Variants in TUBGCP3 observed in about 807,000 individuals in gnomAD.
TUBGCP3 encodes the protein gamma-tubulin complex component 3.
Under a neutral mutation model 123.1 loss-of-function variants are expected in TUBGCP3, and 50 were observed. The ratio of observed to expected loss-of-function variants is 0.41; its 90% CI spans 0.32 to 0.51. The LOEUF (loss-of-function observed/expected upper bound fraction) is 0.51, where lower values mean the gene tolerates loss of function less well. Ranked by LOEUF, TUBGCP3 falls within the 20% of genes least tolerant of loss-of-function variation. TUBGCP3 has a pLI of 0.36. For missense variants in TUBGCP3, 882 were observed against 1,127.0 expected (o/e 0.78, Z 3.11); for synonymous variants, 405 against 413.9 (o/e 0.98, Z 0.26).
rs544636864 is a variant in TUBGCP3 at position 112,561,661 on chromosome 13, G to A, written c.253-2262C>T. ...GACGCCCAGAGGGGTGGAACAAGAC[G>A]CAACACTTCCTTCAGCTCAGAGGAT... On this transcript the variant is annotated intron_variant, in intron 3 of 21. Transcript: ENST00000261965. Among the ~76,000 whole-genome samples, 28 of 152,298 alleles carry A rather than the reference G, an allele frequency of 1.8e-4. No individual in the cohort carries two copies. The South Asian group carries it at 4.6e-3, about 25-fold the overall frequency.
At chr13:112,514,649 A>G (rs1875925633) in intron 17 of TUBGCP3, among the ~76,000 whole-genome samples, 1 of 152,230 alleles carries the variant, frequency 6.6e-6, no homozygotes, top group Non-Finnish European at 1.5e-5. Context: ...CAACAATACA[A>G]TCTGGGCTTA....
the TUBGCP3 span, among the ~76,000 whole-genome samples, chr13:112,597,505 AAAC>A: frequency 6.6e-6 from 1 of 152,238 alleles, no homozygotes; most frequent in South Asian, 2.1e-4. Flanking sequence ...AAACCAAGAG[AAAC>A]AACAGAAAAC....
chr13:112,601,185 T>TTAA, the TUBGCP3 span, among the ~76,000 whole-genome samples: 2 of 86,512 alleles, frequency 2.3e-5, no homozygotes, highest in African/African-American at 9.6e-5. Flanking sequence ...AGATTCTGTC[T>TTAA]AAAAAAAAAA....
intron 8 of TUBGCP3, among the ~76,000 whole-genome samples, chr13:112,549,078 A>T (rs1320269615): frequency 6.6e-6 from 1 of 152,228 alleles, no homozygotes; most frequent in East Asian, 1.9e-4. Context: ...AAGACTTGGA[A>T]CCAACCCAAA....
intron 8 of TUBGCP3, among the ~76,000 whole-genome samples, chr13:112,551,838 G>C (rs550364378): frequency 6.6e-6 from 1 of 152,230 alleles, no homozygotes; most frequent in Admixed American, 6.5e-5. Flanking sequence ...TTGGCACCAG[G>C]GACTGGTTTT....
intron 1 of TUBGCP3, among the ~76,000 whole-genome samples, chr13:112,575,256 GGAA>G (rs1414043309): frequency 6.6e-6 from 1 of 152,122 alleles, no homozygotes; most frequent in African/African-American, 2.4e-5. Context: ...AAAAATGAAA[GGAA>G]GAAGAAAGAT....
rs1881663984 is a variant in TUBGCP3, at chr13:112,511,369, CA to C, written c.2086+5070del. ...TAATAATTATGTGCTTCATGGATTT[CA>C]AATTTATGCTCCACTGCTATTTCTA... On this transcript the variant is annotated intron_variant, in intron 17 of 21. Transcript: ENST00000261965. This position sits in a 1 kb window ranked among gnomAD's most constrained non-coding sequence, Gnocchi z 4.1. Among the ~76,000 whole-genome samples, 1 of 152,164 alleles carries C rather than the reference CA, an allele frequency of 6.6e-6. No individual in the cohort carries two copies. The highest frequency in any genetic ancestry group is 2.4e-5 in the African/African-American group (1 of 41,442).
intron 13 of TUBGCP3, among the ~76,000 whole-genome samples, chr13:112,526,433 C>T (rs1010235411): frequency 4.4e-5 from 6 of 136,068 alleles, no homozygotes; most frequent in Admixed American, 7.3e-5. Context: ...GCCGCTACCA[C>T]GCCATCATCA....
chr13:112,505,771 T>C (rs930558219), intron 17 of TUBGCP3, among the ~76,000 whole-genome samples: 1 of 152,184 alleles, frequency 6.6e-6, no homozygotes, highest in South Asian at 2.1e-4. Context: ...CATATGTGAA[T>C]TGTATGAACG....
chr13:112,588,374 G>A (rs1051736924), upstream of TUBGCP3, among the ~76,000 whole-genome samples: 2 of 152,216 alleles, frequency 1.3e-5, no homozygotes, highest in Admixed American at 6.5e-5. Context: ...GTGGCCGGTA[G>A]CACCATAAAG....
In TUBGCP3 at chr13:112,577,430, A is replaced by C. The variant is rs1208223579; in HGVS notation, c.77-8171T>G. 2.6e-5 allele frequency among the ~76,000 whole-genome samples: 4 copies of C among 152,332 alleles called. No individual in the cohort carries two copies. In the East Asian group the frequency reaches 7.7e-4, roughly 29 times the overall value. Reference sequence around the variant, plus strand: ...TAAAAATATCAGACTCAGTTGAGACAGTCTACTAATAACCTTTAATCCTCA... The same window carrying C: ...TAAAAATATCAGACTCAGTTGAGACCGTCTACTAATAACCTTTAATCCTCA... On this transcript the variant is annotated intron_variant, in intron 1 of 21. Transcript: ENST00000261965.
chr13:112,522,390 T>G lies in TUBGCP3; in HGVS notation c.1675A>C (p.Met559Leu), dbSNP rs1419869377. The change falls in exon 14 of 22, where the codon ATG (methionine) becomes CTG (leucine). Residue 559 changes from methionine to leucine, a missense_variant. By Grantham distance (15) the Met-to-Leu change is conservative. Around this residue, in one of 3 missense-constraint regions of TUBGCP3, gnomAD observed 713 missense variants for 874.0 expected, o/e 0.82. Coordinates refer to ENST00000261965, the MANE Select transcript of TUBGCP3 (RefSeq NM_006322.6). ...LNKKYSLLDH[M>L]QAMRRYLLLG... Reference sequence around the variant, plus strand: ...AGCAGGTACCGCCTCATTGCCTGCATGTGGTCCAGCAAGCTGTACTTTTTA... The same window carrying G: ...AGCAGGTACCGCCTCATTGCCTGCAGGTGGTCCAGCAAGCTGTACTTTTTA... 1 of 1,614,134 alleles carries G rather than the reference T, an allele frequency of 6.2e-7. No homozygotes were observed. Among genetic ancestry groups the G allele is most frequent in the South Asian group, 1.1e-5 (1 of 91,078 alleles).
rs1879644075 is a variant in TUBGCP3 at position 112,486,045 on chromosome 13, G to A, written c.2672C>T (p.Pro891Leu). The A allele has an allele frequency of 6.2e-7, 1 of 1,609,294 alleles. No individual in the cohort carries two copies. Among genetic ancestry groups the A allele is most frequent in the Admixed American group, 1.7e-5 (1 of 59,878 alleles). ...GGTACCCAGAGACACACGGAGCCTG[G>A]GCTCCCTGGCTTTGTAATGCTCGTT... The part of the protein sequence containing the change: ...DFNEHYKARE[P>L]RLRVSLGTRG... Residue 891 changes from proline (P) to leucine (L), a missense_variant, in exon 22 of 22, where the codon CCC becomes CTC. Physicochemically the swap from Pro to Leu is moderately conservative, Grantham distance 98 (BLOSUM62 -3). Around this residue, in one of 3 missense-constraint regions of TUBGCP3, gnomAD observed 160 missense variants for 220.3 expected, o/e 0.73. Coordinates refer to ENST00000261965, the MANE Select transcript of TUBGCP3 (RefSeq NM_006322.6).
At chr13:112,580,076 C>T (rs1438017603) in intron 1 of TUBGCP3, among the ~76,000 whole-genome samples, 1 of 152,200 alleles carries the variant, frequency 6.6e-6, no homozygotes, top group Admixed American at 6.5e-5. Flanking sequence ...AGTCTCAAAA[C>T]TTTTGACTGA....
At chr13:112,501,781 C>T (rs79700342) in intron 19 of TUBGCP3, among the ~76,000 whole-genome samples, 3,924 of 152,266 alleles carry the variant, frequency 0.026, 66 homozygotes, top group Admixed American at 0.045. Context: ...ACACCTTCAA[C>T]GACGTCAGGT....
intron 1 of TUBGCP3, among the ~76,000 whole-genome samples, chr13:112,586,679 C>T (rs532718651): frequency 6.6e-6 from 1 of 152,246 alleles, no homozygotes; most frequent in African/African-American, 2.4e-5. Flanking sequence ...CGCCACAGTA[C>T]TTATTGCTAA....
intron 17 of TUBGCP3, 148 bp from the exon 18 acceptor site, chr13:112,504,862 A>T: frequency 1.5e-6 from 1 of 647,690 alleles, no homozygotes. Flanking sequence ...ACCTCTCCAG[A>T]ACCAATTTCT....
intron 20 of TUBGCP3, among the ~76,000 whole-genome samples, chr13:112,495,488 G>T (rs994179305): frequency 1.3e-5 from 2 of 152,174 alleles, no homozygotes; most frequent in African/African-American, 4.8e-5. Flanking sequence ...GGTATTAAAT[G>T]ATATTTTCCA....
intron 11 of TUBGCP3, among the ~76,000 whole-genome samples, chr13:112,529,860 T>C (rs911354931): frequency 6.6e-6 from 1 of 152,242 alleles, no homozygotes; most frequent in Non-Finnish European, 1.5e-5. Context: ...AAGTGCCTTT[T>C]TGGTGATCTT....
Sources: gnomAD v4.1 joint callset for allele counts (sites outside exome capture counted in the v4.1 genomes callset) on GRCh38, gnomAD v4.1.1 for gene constraint, gnomAD v4.1.1 regional missense constraint, Gnocchi (gnomAD v3.1) non-coding constraint, MANE v1.5 for transcripts, NCBI Gene and HGNC (gene_info 2026-07-23, HGNC 2026-07-21) for gene names.